Variants in GRIK3 observed in about 807,000 individuals in gnomAD.
GRIK3 encodes glutamate receptor ionotropic, kainate 3.
GRIK3 carries 29 observed loss-of-function variants against 102.5 expected under a neutral mutation model. That is an observed-to-expected ratio of 0.28 (90% confidence interval 0.21 to 0.39). The LOEUF (loss-of-function observed/expected upper bound fraction) is 0.39. Among genes scored for constraint, GRIK3 ranks in the 10% least tolerant of loss-of-function variants. The pLI is 1.00. For missense variants in GRIK3, 908 were observed against 1,252.4 expected, an observed-to-expected ratio of 0.73 and a Z score of 4.15; for synonymous variants, 511 against 504.9, an observed-to-expected ratio of 1.01 and a Z score of -0.16.
intron 1 of GRIK3, among the ~76,000 whole-genome samples, chr1:36,973,536 C>T (rs908449802): frequency 4.0e-5 from 6 of 150,804 alleles, no homozygotes; most frequent in Non-Finnish European, 8.8e-5. Context: ...TCTCCTGTCT[C>T]AGCCTCCCTA....
chr1:36,913,832 C>T (rs1017354844), intron 1 of GRIK3, among the ~76,000 whole-genome samples: 2 of 152,196 alleles, frequency 1.3e-5, no homozygotes, highest in African/African-American at 4.8e-5. Flanking sequence ...CCACTGAAGT[C>T]ACCTGCCTTC....
At chr1:36,856,309 C>T (rs1557704086) in intron 7 of GRIK3, among the ~76,000 whole-genome samples, 1 of 152,206 alleles carries the variant, frequency 6.6e-6, no homozygotes, top group Non-Finnish European at 1.5e-5. Flanking sequence ...CCAGCAGGTG[C>T]ACGGCCTGTC....
chr1:36,836,041 C>T (rs1640373878), intron 10 of GRIK3, among the ~76,000 whole-genome samples: 1 of 152,196 alleles, frequency 6.6e-6, no homozygotes, highest in South Asian at 2.1e-4. Context: ...GTTTCCCCTG[C>T]CCTCAACTGC....
intron 1 of GRIK3, among the ~76,000 whole-genome samples, chr1:36,912,565 C>T (rs1641357822): frequency 6.6e-6 from 1 of 152,006 alleles, no homozygotes; most frequent in Non-Finnish European, 1.5e-5. Context: ...CTATTTACAC[C>T]CTAGCCCTCC....
At chr1:36,932,344 C>T (rs1197011659) in intron 1 of GRIK3, among the ~76,000 whole-genome samples, 4 of 152,172 alleles carry the variant, frequency 2.6e-5, no homozygotes, top group African/African-American at 9.7e-5. Context: ...ATGCCACTCC[C>T]AAGCATGCGA....
At chr1:36,802,174 C>T in intron 15 of GRIK3, 129 bp from the exon 16 acceptor site, 1 of 608,598 alleles carries the variant, frequency 1.6e-6, no homozygotes, top group Non-Finnish European at 2.9e-6. Context: ...CACACCTTCA[C>T]CCCACCCATC....
At chr1:36,833,657 G>A (rs541498720) in intron 10 of GRIK3, among the ~76,000 whole-genome samples, 2 of 152,382 alleles carry the variant, frequency 1.3e-5, no homozygotes, top group Admixed American at 1.3e-4. Flanking sequence ...CTAGTTCCTA[G>A]TTGGGAGGAA....
chr1:36,890,773 A>C (rs1641104178), intron 2 of GRIK3, 147 bp downstream of exon 2: 3 of 557,676 alleles, frequency 5.4e-6, no homozygotes, highest in Non-Finnish European at 9.4e-6. Context: ...ATGCAAGTCC[A>C]GGCAGTCTGG....
intron 1 of GRIK3, among the ~76,000 whole-genome samples, chr1:36,941,709 T>C (rs1420307796): frequency 6.6e-6 from 1 of 152,218 alleles, no homozygotes; most frequent in East Asian, 1.9e-4. Flanking sequence ...AGGCATTATC[T>C]CCTTTTGTCT....
intron 1 of GRIK3, among the ~76,000 whole-genome samples, chr1:36,974,622 C>T (rs1030932089): frequency 6.6e-6 from 1 of 151,772 alleles, no homozygotes; most frequent in African/African-American, 2.4e-5. Flanking sequence ...CACAGTGAAA[C>T]CCCATCTCTA....
In GRIK3 at chr1:36,818,790, G is replaced by T. The variant is rs1642663620; in HGVS notation, c.1873+946C>A. On this transcript the variant is annotated intron_variant, in intron 12 of 15. Coordinates refer to ENST00000373091, the MANE Select transcript of GRIK3 (RefSeq NM_000831.4). The stretch of plus-strand genomic sequence containing the variant: ...GAAGGTTATACACAGATGACTGAGG[G>T]ACAAGGACATTTTCTCTGTCCCTGG... Among the ~76,000 whole-genome samples the T allele has an allele frequency of 2.0e-5, 3 of 152,344 alleles. No individual in the cohort carries two copies. In the South Asian group the frequency reaches 6.2e-4, roughly 32 times the overall value.
At chr1:36,813,175 T>G (rs1401082572) in intron 13 of GRIK3, among the ~76,000 whole-genome samples, 1 of 152,204 alleles carries the variant, frequency 6.6e-6, no homozygotes, top group Non-Finnish European at 1.5e-5. Context: ...TCACTAGCTG[T>G]GGGATGTTAG....
chr1:36,865,076 C>A (rs534719635), intron 5 of GRIK3, among the ~76,000 whole-genome samples: 2 of 152,176 alleles, frequency 1.3e-5, no homozygotes, highest in Non-Finnish European at 2.9e-5. Context: ...TGGAAAACAT[C>A]GCCTTAAGGA....
intron 1 of GRIK3, among the ~76,000 whole-genome samples, chr1:36,926,045 T>C (rs1178483192): frequency 6.6e-6 from 1 of 152,214 alleles, no homozygotes; most frequent in African/African-American, 2.4e-5. Flanking sequence ...GGTCACTGCA[T>C]GATGATTTTG....
At chr1:36,938,264 C>A (rs374021093) in intron 1 of GRIK3, among the ~76,000 whole-genome samples, 1 of 152,134 alleles carries the variant, frequency 6.6e-6, no homozygotes, top group East Asian at 1.9e-4. Context: ...CCAACCCAGA[C>A]CAGGCAGAGA....
intron 1 of GRIK3, among the ~76,000 whole-genome samples, chr1:36,942,314 G>A (rs1454740659): frequency 6.6e-6 from 1 of 152,238 alleles, no homozygotes; most frequent in African/African-American, 2.4e-5. Flanking sequence ...CTGGCACTTA[G>A]GAAAGGGCCG....
chr1:37,017,224 A>T (rs2124068744), intron 1 of GRIK3, among the ~76,000 whole-genome samples: 1 of 151,582 alleles, frequency 6.6e-6, no homozygotes, highest in South Asian at 2.1e-4. Context: ...CAAAAAAAAA[A>T]AACGAAAAAA....
At chr1:36,866,500 T>C (rs1220846144) in intron 5 of GRIK3, among the ~76,000 whole-genome samples, 1 of 152,250 alleles carries the variant, frequency 6.6e-6, no homozygotes, top group African/African-American at 2.4e-5. Context: ...AAAGTTGTTC[T>C]GAATTTTGGA....
chr1:36,841,656 G>A, intron 10 of GRIK3, 80 bp downstream of exon 10: 1 of 1,243,170 alleles, frequency 8.0e-7, no homozygotes, highest in East Asian at 2.3e-5. Flanking sequence ...CTGCCAGGCT[G>A]CCCAGCCCTG....
Sources: gnomAD v4.1 joint callset for allele counts (sites outside exome capture counted in the v4.1 genomes callset) on GRCh38, gnomAD v4.1.1 for gene constraint, MANE v1.5 for transcripts, NCBI Gene and HGNC (gene_info 2026-07-23, HGNC 2026-07-21) for gene names.